CSMD1: variants seen among roughly 807,000 people sequenced by gnomAD.
The protein encoded by CSMD1 is CUB and Sushi multiple domains 1, also known as CUB and sushi domain-containing protein 1.
CSMD1 carries 213 observed loss-of-function variants against 417.5 expected under a neutral mutation model. That is an observed-to-expected ratio of 0.51 (90% CI 0.46 to 0.57). CSMD1 has a LOEUF of 0.57. CSMD1 is among the 20% of genes least tolerant of loss of function. The probability of loss-of-function intolerance (pLI) is 0.00; values close to 1 mark genes in which losing one functional copy is unlikely to be tolerated. For synonymous variants in CSMD1, 2,862 were observed against 1,736.8 expected (o/e 1.65, Z -16.11); for missense variants, 6,923 against 4,529.7 (o/e 1.53, Z -15.17).
intron 1 of CSMD1, among the ~76,000 whole-genome samples, chr8:4,638,116 T>C (rs1339656846): frequency 6.6e-6 from 1 of 152,204 alleles, no homozygotes; most frequent in Non-Finnish European, 1.5e-5. Flanking sequence ...TTAGGGAAGT[T>C]CTTTATCCTG....
chr8:3,777,881 C>T (rs1234885070), intron 5 of CSMD1, among the ~76,000 whole-genome samples: 1 of 150,886 alleles, frequency 6.6e-6, no homozygotes, highest in Non-Finnish European at 1.5e-5. Flanking sequence ...CCGCAGTCTC[C>T]TTGAAGCGCA....
chr8:4,443,717 G>C (rs1211302158), intron 2 of CSMD1, among the ~76,000 whole-genome samples: 1 of 152,120 alleles, frequency 6.6e-6, no homozygotes, highest in Non-Finnish European at 1.5e-5. Flanking sequence ...AGCAGCAGTT[G>C]GCTAAAGATG....
intron 1 of CSMD1, among the ~76,000 whole-genome samples, chr8:4,948,051 A>C (rs1292803219): frequency 6.6e-6 from 1 of 151,934 alleles, no homozygotes; most frequent in Non-Finnish European, 1.5e-5. Context: ...AGGAATGTAG[A>C]TACCATAGTA....
intron 3 of CSMD1, among the ~76,000 whole-genome samples, chr8:4,377,990 A>G (rs1802864007): frequency 6.6e-6 from 1 of 152,198 alleles, no homozygotes; most frequent in African/African-American, 2.4e-5. Context: ...TGTCAACAAC[A>G]TTTAAATATA....
At chr8:4,612,558 G>A (rs192972554) in intron 2 of CSMD1, among the ~76,000 whole-genome samples, 1 of 152,248 alleles carries the variant, frequency 6.6e-6, no homozygotes, top group Non-Finnish European at 1.5e-5. Flanking sequence ...CGAGGAACTG[G>A]AGGAACAGTG....
intron 3 of CSMD1, among the ~76,000 whole-genome samples, chr8:4,192,367 G>C (rs1164896554): frequency 6.6e-6 from 1 of 152,116 alleles, no homozygotes; most frequent in Non-Finnish European, 1.5e-5. Context: ...ATGTCTTAGA[G>C]ACTCTTTCTC....
At chr8:3,251,226 G>C (rs566599411) in intron 26 of CSMD1, among the ~76,000 whole-genome samples, 42 of 152,224 alleles carry the variant, frequency 2.8e-4, no homozygotes, top group African/African-American at 9.9e-4. Flanking sequence ...AACCCATCTT[G>C]AATTAATTTT....
intron 1 of CSMD1, among the ~76,000 whole-genome samples, chr8:4,986,336 A>T (rs1479104770): frequency 6.6e-6 from 1 of 152,224 alleles, no homozygotes; most frequent in Non-Finnish European, 1.5e-5. Flanking sequence ...AGGAATATCA[A>T]CTTCAGGTAG....
chr8:4,481,381 G>C (rs1335416383), intron 2 of CSMD1, among the ~76,000 whole-genome samples: 1 of 152,176 alleles, frequency 6.6e-6, no homozygotes, highest in African/African-American at 2.4e-5. Flanking sequence ...TATAAAATGA[G>C]ACATCTCAAT....
At chr8:3,516,597 G>C (rs990378791) in intron 10 of CSMD1, among the ~76,000 whole-genome samples, 8 of 152,214 alleles carry the variant, frequency 5.3e-5, no homozygotes, top group East Asian at 1.9e-4. Flanking sequence ...TTTACTCAAA[G>C]TTTAAGAGGA....
chr8:4,353,270 T>C (rs111936117), intron 3 of CSMD1, among the ~76,000 whole-genome samples: 1 of 151,892 alleles, frequency 6.6e-6, no homozygotes, highest in South Asian at 2.1e-4. Flanking sequence ...TCTCAGGAGA[T>C]CTGATGGTTT....
intron 7 of CSMD1, among the ~76,000 whole-genome samples, chr8:3,650,172 G>T (rs1171136611): frequency 6.6e-6 from 1 of 152,016 alleles, no homozygotes; most frequent in African/African-American, 2.4e-5. Flanking sequence ...CCAGCTATTG[G>T]GGAGGCTGAG....
At chr8:4,312,104 G>C (rs563065628) in intron 3 of CSMD1, among the ~76,000 whole-genome samples, 5 of 151,936 alleles carry the variant, frequency 3.3e-5, no homozygotes, top group African/African-American at 4.8e-5. Context: ...AGTTAAAAAA[G>C]TTATCAATAC....
intron 2 of CSMD1, among the ~76,000 whole-genome samples, chr8:4,466,134 A>G (rs1026086114): frequency 7.9e-5 from 12 of 152,216 alleles, no homozygotes; most frequent in Admixed American, 7.9e-4. Context: ...AGTTTTATAA[A>G]GAATGAAATA....
intron 7 of CSMD1, among the ~76,000 whole-genome samples, chr8:3,697,646 C>T (rs1800627927): frequency 1.3e-5 from 2 of 152,036 alleles, no homozygotes; most frequent in Admixed American, 6.6e-5. Context: ...CTGTGGGCGC[C>T]AAACATGAAT....
intron 54 of CSMD1, among the ~76,000 whole-genome samples, chr8:2,982,714 T>A (rs1022432286): frequency 6.6e-6 from 1 of 152,204 alleles, no homozygotes; most frequent in Admixed American, 6.5e-5. Flanking sequence ...TTTAATTCCC[T>A]TCTTGGGGAC....
chr8:3,054,710 T>TGTACATGTGTGTA (rs1812100792), intron 49 of CSMD1, among the ~76,000 whole-genome samples: 1 of 152,198 alleles, frequency 6.6e-6, no homozygotes, highest in African/African-American at 2.4e-5. Context: ...TGTACGTGTG[T>TGTACATGTGTGTA]GTACATGTGT....
intron 3 of CSMD1, among the ~76,000 whole-genome samples, chr8:4,086,791 G>C (rs994723600): frequency 6.6e-6 from 1 of 152,148 alleles, no homozygotes; most frequent in African/African-American, 2.4e-5. Context: ...GAATGAACTT[G>C]TGAAACAAAT....
chr8:3,959,940 T>C (rs1244786166), intron 5 of CSMD1, among the ~76,000 whole-genome samples: 1 of 152,210 alleles, frequency 6.6e-6, no homozygotes, highest in African/African-American at 2.4e-5. Context: ...GTACTAGCCA[T>C]TTGATCATGT....
Sources: allele counts gnomAD v4.1 joint callset (sites outside exome capture counted in the v4.1 genomes callset), GRCh38; gene constraint gnomAD v4.1.1; transcripts MANE v1.5; gene names NCBI Gene and HGNC (gene_info 2026-07-23, HGNC 2026-07-21).